The following HPSE2 variants were observed in gnomAD, a reference collection of about 807,000 sequenced individuals.
HPSE2 encodes heparanase 2 (inactive).
In HPSE2, 38 loss-of-function variants were observed where a neutral mutation model predicts 60.5. The observed-to-expected ratio is 0.63, with a 90% CI of 0.48 to 0.82. The LOEUF (loss-of-function observed/expected upper bound fraction) is 0.82. Among genes scored for constraint, HPSE2 ranks in the 40% least tolerant of loss-of-function variants. The probability of loss-of-function intolerance (pLI) is 0.00; values close to 1 mark genes in which losing one functional copy is unlikely to be tolerated. For synonymous variants in HPSE2, 295 were observed against 293.2 expected (o/e 1.01, Z -0.06); for missense variants, 713 against 740.4 (o/e 0.96, Z 0.43).
chr10:98,821,292 T>C (rs1951417370), intron 3 of HPSE2, among the ~76,000 whole-genome samples: 1 of 152,214 alleles, frequency 6.6e-6, no homozygotes, highest in Non-Finnish European at 1.5e-5. Flanking sequence ...CCTAGGCTTC[T>C]ACATACCTAG....
intron 9 of HPSE2, among the ~76,000 whole-genome samples, chr10:98,560,276 G>A (rs997125196): frequency 6.6e-6 from 1 of 152,154 alleles, no homozygotes; most frequent in Non-Finnish European, 1.5e-5. Context: ...GTGAATGATA[G>A]GCACCACCCA....
chr10:98,911,136 A>G (rs972325398), intron 3 of HPSE2, among the ~76,000 whole-genome samples: 2 of 152,222 alleles, frequency 1.3e-5, no homozygotes, highest in African/African-American at 4.8e-5. Flanking sequence ...TTAGAGGGTA[A>G]AAGACCTCAA....
intron 3 of HPSE2, among the ~76,000 whole-genome samples, chr10:98,749,210 G>A (rs1343824687): frequency 6.6e-6 from 1 of 151,946 alleles, no homozygotes; most frequent in Non-Finnish European, 1.5e-5. Flanking sequence ...CCTAGTACTT[G>A]ACACTTTAAA....
At chr10:98,699,320 T>C (rs1241398078) in intron 5 of HPSE2, among the ~76,000 whole-genome samples, 2 of 150,794 alleles carry the variant, frequency 1.3e-5, no homozygotes, top group Non-Finnish European at 3.0e-5. Context: ...ATCCCTGGGA[T>C]GCAAGGCTGG....
intron 3 of HPSE2, among the ~76,000 whole-genome samples, chr10:98,846,550 T>C (rs766184859): frequency 1.3e-5 from 2 of 152,194 alleles, no homozygotes; most frequent in Non-Finnish European, 2.9e-5. Context: ...GAGCTCTCTC[T>C]GGAATAAATG....
At chr10:98,519,115 C>T (rs552040886) in intron 9 of HPSE2, among the ~76,000 whole-genome samples, 17 of 152,292 alleles carry the variant, frequency 1.1e-4, no homozygotes, top group African/African-American at 2.9e-4. Flanking sequence ...GTCTCACATT[C>T]GGGCTAGGAG....
intron 3 of HPSE2, among the ~76,000 whole-genome samples, chr10:99,064,345 C>A (rs2135530940): frequency 6.6e-6 from 1 of 152,096 alleles, no homozygotes; most frequent in African/African-American, 2.4e-5. Flanking sequence ...TAGTTTAATC[C>A]TCTTATAAAA....
chr10:99,079,710 C>G (rs1843067927), intron 3 of HPSE2, among the ~76,000 whole-genome samples: 1 of 152,074 alleles, frequency 6.6e-6, no homozygotes, highest in African/African-American at 2.4e-5. Context: ...ATGTGTGGTC[C>G]AACTCATTTT....
intron 9 of HPSE2, among the ~76,000 whole-genome samples, chr10:98,509,100 G>A (rs1163390606): frequency 6.6e-6 from 1 of 152,130 alleles, no homozygotes; most frequent in African/African-American, 2.4e-5. Flanking sequence ...TGCATCAAAA[G>A]GTCAAGAGAT....
intron 3 of HPSE2, among the ~76,000 whole-genome samples, chr10:98,937,458 C>G (rs1293293229): frequency 6.9e-6 from 1 of 144,428 alleles, no homozygotes; most frequent in African/African-American, 2.8e-5. Flanking sequence ...TTGGAGGGTC[C>G]TACGCCCACG....
At chr10:98,851,702 A>G (rs187451079) in intron 3 of HPSE2, among the ~76,000 whole-genome samples, 1 of 152,330 alleles carries the variant, frequency 6.6e-6, no homozygotes, top group Non-Finnish European at 1.5e-5. Context: ...TTCTTGAGTC[A>G]TTAAGACAAA....
intron 9 of HPSE2, among the ~76,000 whole-genome samples, chr10:98,588,567 C>G (rs527939003): frequency 3.9e-5 from 6 of 152,230 alleles, no homozygotes; most frequent in Non-Finnish European, 4.4e-5. Context: ...CAGAGGACTG[C>G]TGAGGTGACT....
intron 2 of HPSE2, among the ~76,000 whole-genome samples, chr10:99,155,717 T>C (rs1379433924): frequency 2.0e-5 from 3 of 149,964 alleles, no homozygotes; most frequent in Non-Finnish European, 3.0e-5. Context: ...AGCAAACACA[T>C]TCAAAAGCTA....
chr10:99,042,547 G>A (rs758453214), intron 3 of HPSE2, among the ~76,000 whole-genome samples: 2 of 152,012 alleles, frequency 1.3e-5, no homozygotes, highest in Non-Finnish European at 2.9e-5. Flanking sequence ...GCTGAGCCAA[G>A]ATCTATGACC....
chr10:98,709,999 C>A (rs994504426), intron 5 of HPSE2, among the ~76,000 whole-genome samples: 22 of 152,258 alleles, frequency 1.4e-4, no homozygotes, highest in African/African-American at 5.3e-4. Flanking sequence ...CAAAGAGAAT[C>A]TTTGGTTATG....
At chr10:99,185,095 T>A (rs1589793111) in intron 2 of HPSE2, among the ~76,000 whole-genome samples, 1 of 149,146 alleles carries the variant, frequency 6.7e-6, no homozygotes, top group African/African-American at 2.5e-5. Flanking sequence ...AGGTCAGGAG[T>A]TCAAGACCAG....
chr10:98,854,044 G>C (rs1319048433), intron 3 of HPSE2, among the ~76,000 whole-genome samples: 2 of 152,046 alleles, frequency 1.3e-5, no homozygotes, highest in African/African-American at 4.8e-5. Flanking sequence ...AAGTGATCTA[G>C]AATAATACAA....
intron 3 of HPSE2, among the ~76,000 whole-genome samples, chr10:98,984,155 A>G (rs1242490144): frequency 1.3e-5 from 2 of 152,220 alleles, no homozygotes; most frequent in African/African-American, 4.8e-5. Context: ...TGGTTCTCTC[A>G]GCACGCAGCT....
At chr10:99,263,742 A>T in the HPSE2 span, among the ~76,000 whole-genome samples, 1 of 152,106 alleles carries the variant, frequency 6.6e-6, no homozygotes, top group African/African-American at 2.4e-5. Flanking sequence ...AAAAAAAAAA[A>T]ATCTCCTTCC....
Sources: gnomAD v4.1 joint callset for allele counts (sites outside exome capture counted in the v4.1 genomes callset) on GRCh38, gnomAD v4.1.1 for gene constraint, MANE v1.5 for transcripts, NCBI Gene and HGNC (gene_info 2026-07-23, HGNC 2026-07-21) for gene names.